STPG2: variants seen among roughly 807,000 people sequenced by gnomAD.
The protein encoded by STPG2 is sperm-tail PG-rich repeat-containing protein 2.
In STPG2, 56 loss-of-function variants were observed where a neutral mutation model predicts 54.2. That is an observed-to-expected ratio of 1.03 (90% CI 0.83 to 1.29). The LOEUF is 1.29. STPG2 is among the 50% of genes most tolerant of loss of function. STPG2 has a pLI of 0.00. For synonymous variants in STPG2, 200 were observed against 181.8 expected, an observed-to-expected ratio of 1.10 and a Z score of -0.81; for missense variants, 596 against 544.9, an observed-to-expected ratio of 1.09 and a Z score of -0.93.
rs1739228495 is a variant in STPG2 at position 98,107,767 on chromosome 4, A to G, written c.500+1426T>C. 2.3e-5 allele frequency among the ~76,000 whole-genome samples: 3 copies of G among 131,786 alleles called. No homozygotes were observed. In the South Asian group the frequency reaches 7.6e-4, roughly 33 times the overall value. 86.5% of individuals were successfully genotyped at this position (131,786 alleles called of 152,430 possible). On this transcript the variant is annotated intron_variant, in intron 4 of 10. Transcript: ENST00000295268. The stretch of plus-strand genomic sequence containing the variant: ...CCTCAATAAAACTGAGAAGAGGGGA[A>G]AGAGAGACGGTGAGAGAGAGAGAGC...
chr4:97,975,802 G>C (rs908484910), intron 6 of STPG2, among the ~76,000 whole-genome samples: 1 of 152,150 alleles, frequency 6.6e-6, no homozygotes, highest in African/African-American at 2.4e-5. Context: ...GATTAGATCA[G>C]TGTTTGTCCA....
In STPG2 at chr4:97,567,189, AACAC is replaced by A. The variant is rs142654573; in HGVS notation, c.1321-8076_1321-8073del. On this transcript the variant is annotated intron_variant, in intron 10 of 10. Coordinates refer to ENST00000295268, the MANE Select transcript of STPG2 (RefSeq NM_174952.3). ...CTTACTTTAAGGTAGTCATAGCTGT[AACAC>A]ACACACACACACACACATACACACA... Among the ~76,000 whole-genome samples, 620 of 145,430 alleles carry A rather than the reference AACAC, an allele frequency of 4.3e-3. 3 individuals are homozygous for A. Among genetic ancestry groups the A allele is most frequent in the South Asian group, 0.021 (96 of 4,622 alleles).
chr4:97,779,120 G>C (rs140769429), intron 9 of STPG2, among the ~76,000 whole-genome samples: 1 of 152,102 alleles, frequency 6.6e-6, no homozygotes, highest in Admixed American at 6.6e-5. Flanking sequence ...GTCTTCAGAC[G>C]ATCAAACTTC....
chr4:97,851,492 T>G (rs755078427), intron 8 of STPG2, among the ~76,000 whole-genome samples: 80 of 152,324 alleles, frequency 5.3e-4, no homozygotes, highest in Non-Finnish European at 1.1e-3. Flanking sequence ...TCTATATTCT[T>G]TATTTAGCAA....
intron 9 of STPG2, among the ~76,000 whole-genome samples, chr4:97,814,672 C>G (rs1158949537): frequency 6.6e-6 from 1 of 152,034 alleles, no homozygotes; most frequent in Admixed American, 6.6e-5. Flanking sequence ...GAAAGGCAGA[C>G]CCAGCCTTAA....
intron 10 of STPG2, among the ~76,000 whole-genome samples, chr4:97,657,234 A>T (rs1215853934): frequency 6.6e-6 from 1 of 152,148 alleles, no homozygotes; most frequent in Non-Finnish European, 1.5e-5. Flanking sequence ...GGCCAAAAAA[A>T]AGTTGAGTTG....
chr4:97,975,887 CT>C (rs1734482190), intron 6 of STPG2, among the ~76,000 whole-genome samples: 1 of 152,106 alleles, frequency 6.6e-6, no homozygotes, highest in Non-Finnish European at 1.5e-5. Flanking sequence ...GTAACTAGTC[CT>C]TCTGAATGAA....
chr4:97,926,942 C>T (rs1228208), intron 8 of STPG2, among the ~76,000 whole-genome samples: 2 of 151,920 alleles, frequency 1.3e-5, no homozygotes, highest in South Asian at 2.1e-4. Context: ...AAATGTTGTA[C>T]GTAATAACAC....
intron 10 of STPG2, among the ~76,000 whole-genome samples, chr4:97,606,883 C>T (rs1044141312): frequency 6.6e-6 from 1 of 151,864 alleles, no homozygotes; most frequent in African/African-American, 2.4e-5. Context: ...AACAGTTGGA[C>T]ATATTTTAAA....
At chr4:97,624,618 A>C (rs1283510000) in intron 10 of STPG2, among the ~76,000 whole-genome samples, 6 of 152,060 alleles carry the variant, frequency 3.9e-5, no homozygotes, top group African/African-American at 1.4e-4. Flanking sequence ...AAATCTCTTT[A>C]GTTTAATTAT....
rs560949525 is a variant in STPG2, at chr4:97,603,219, CA to C, written c.1321-44103del. On this transcript the variant is annotated intron_variant, in intron 10 of 10. Transcript: ENST00000295268. ...TCCAACAAACACACAAAAAGATGCT[CA>C]ATATTACATATCAGGGAAATACACA... Among the ~76,000 whole-genome samples the C allele has an allele frequency of 5.9e-5, 9 of 151,550 alleles. No individual in the cohort carries two copies. The South Asian group carries it at 1.5e-3, about 24-fold the overall frequency.
chr4:97,694,101 G>A (rs985006815), intron 10 of STPG2, among the ~76,000 whole-genome samples: 4 of 152,054 alleles, frequency 2.6e-5, no homozygotes, highest in Admixed American at 1.3e-4. Context: ...CACACCTCAA[G>A]GAACTAGAGA....
chr4:97,903,371 C>T (rs1307231173), intron 8 of STPG2, among the ~76,000 whole-genome samples: 1 of 151,506 alleles, frequency 6.6e-6, no homozygotes, highest in Non-Finnish European at 1.5e-5. Flanking sequence ...TTGTCAATTA[C>T]ACTTCATTAT....
intron 8 of STPG2, among the ~76,000 whole-genome samples, chr4:97,845,491 G>A (rs185867076): frequency 1.3e-5 from 2 of 152,084 alleles, no homozygotes; most frequent in Non-Finnish European, 2.9e-5. Flanking sequence ...AGTTATTTAC[G>A]TCAATATTTG....
intron 5 of STPG2, among the ~76,000 whole-genome samples, chr4:98,029,058 A>C (rs1020161514): frequency 6.6e-6 from 1 of 152,062 alleles, no homozygotes; most frequent in Non-Finnish European, 1.5e-5. Flanking sequence ...ATTTTCTATT[A>C]TTTCAATACT....
At chr4:98,086,948 A>T (rs989542086) in intron 5 of STPG2, among the ~76,000 whole-genome samples, 2 of 152,190 alleles carry the variant, frequency 1.3e-5, no homozygotes, top group African/African-American at 4.8e-5. Context: ...TTTTTTTGCA[A>T]ATTACAAAAT....
chr4:97,507,813 G>A (rs1440760093), intron 4 of STPG2, among the ~76,000 whole-genome samples: 1 of 152,024 alleles, frequency 6.6e-6, no homozygotes, highest in African/African-American at 2.4e-5. Flanking sequence ...TCCCCACAAA[G>A]AGTCAGGGCA....
chr4:97,621,149 C>T (rs144907512), intron 10 of STPG2, among the ~76,000 whole-genome samples: 6 of 151,980 alleles, frequency 3.9e-5, no homozygotes, highest in African/African-American at 1.2e-4. Context: ...ATGTTAAGAG[C>T]ACAATTTATT....
chr4:97,703,011 C>G (rs1438603469), intron 10 of STPG2, among the ~76,000 whole-genome samples: 1 of 152,076 alleles, frequency 6.6e-6, no homozygotes, highest in Non-Finnish European at 1.5e-5. Flanking sequence ...GTAGATTCAT[C>G]ATTTTCTTTC....
Sources: allele counts gnomAD v4.1 joint callset (sites outside exome capture counted in the v4.1 genomes callset), GRCh38; gene constraint gnomAD v4.1.1; transcripts MANE v1.5; gene names NCBI Gene and HGNC (gene_info 2026-07-23, HGNC 2026-07-21).